RHOXF1: variants seen among roughly 807,000 people sequenced by gnomAD.
The protein encoded by RHOXF1 is PEPP subfamily gene 1.
Under a neutral mutation model 9.7 loss-of-function variants are expected in RHOXF1, and 1 was observed. The ratio of observed to expected loss-of-function variants is 0.10; its 90% CI spans 0.04 to 0.49. The LOEUF (loss-of-function observed/expected upper bound fraction) is 0.49. Among genes scored for constraint, RHOXF1 ranks in the 20% least tolerant of loss-of-function variants. RHOXF1 has a pLI of 0.95. For synonymous variants in RHOXF1, 72 were observed against 70.2 expected (o/e 1.03, Z -0.13); for missense variants, 179 against 168.0 (o/e 1.07, Z -0.36).
chrX:120,113,143 CTT>C (rs1327639708), intron 1 of RHOXF1, among the ~76,000 whole-genome samples: 1 of 105,568 alleles, frequency 9.5e-6, no homozygotes, highest in Non-Finnish European at 2.0e-5. Flanking sequence ...AGAGAAATAC[CTT>C]TTTTTTTTTA....
chrX:120,116,796 T>C (rs73615687), upstream of RHOXF1, among the ~76,000 whole-genome samples: 2,592 of 111,101 alleles, frequency 0.023, 77 homozygotes, highest in African/African-American at 0.077. Flanking sequence ...CAACACAGAA[T>C]AAACACGAGG....
chrX:120,109,571 A>ATTTATTATTTATTTAT (rs1555999514), intron 2 of RHOXF1, among the ~76,000 whole-genome samples: 12 of 107,228 alleles, frequency 1.1e-4, no homozygotes, highest in African/African-American at 4.2e-4. Flanking sequence ...TTATTTATTT[A>ATTTATTATTTATTTAT]TTATTTATTT....
chrX:120,111,396 G>A (rs1224764267), intron 2 of RHOXF1, among the ~76,000 whole-genome samples: 3 of 111,424 alleles, frequency 2.7e-5, no homozygotes, highest in Non-Finnish European at 5.7e-5. Flanking sequence ...CTACCAGATC[G>A]GCAGTGCATT....
intron 1 of RHOXF1, among the ~76,000 whole-genome samples, chrX:120,115,114 G>A (rs1192485122): frequency 2.7e-5 from 3 of 111,521 alleles, no homozygotes; most frequent in Non-Finnish European, 5.7e-5. Flanking sequence ...ACTTAGCTTG[G>A]CAAGATGAGA....
chrX:120,117,204 T>C (rs140965517), upstream of RHOXF1, among the ~76,000 whole-genome samples: 2,187 of 110,947 alleles, frequency 0.02, 53 homozygotes, highest in African/African-American at 0.066. Context: ...TGTGGTGAGC[T>C]AGAATCACAT....
chrX:120,111,773 G>T (rs1555999794), intron 2 of RHOXF1, among the ~76,000 whole-genome samples: 1 of 111,911 alleles, frequency 8.9e-6, no homozygotes, highest in African/African-American at 3.2e-5. Flanking sequence ...TGTTGAATTT[G>T]TATAGTACAT....
chrX:120,118,348 C>T (rs917515209), upstream of RHOXF1, among the ~76,000 whole-genome samples: 17 of 111,471 alleles, frequency 1.5e-4, no homozygotes, highest in Non-Finnish European at 3.0e-4. Context: ...CTTTAAGGTT[C>T]GGTCTCTGTA....
upstream of RHOXF1, chrX:120,119,602 T>C (rs1417847942): frequency 1.8e-5 from 2 of 111,821 alleles, no homozygotes; most frequent in Non-Finnish European, 3.8e-5. Context: ...AAATCTGAGA[T>C]GTGGAAGAAA....
At chrX:120,111,628 A>G (rs1235995226) in intron 2 of RHOXF1, among the ~76,000 whole-genome samples, 3 of 111,712 alleles carry the variant, frequency 2.7e-5, no homozygotes, top group African/African-American at 9.8e-5. Flanking sequence ...CTACCCTAAA[A>G]TGAGGGCCAC....
intron 2 of RHOXF1, among the ~76,000 whole-genome samples, chrX:120,109,899 C>T (rs1275543556): frequency 8.9e-6 from 1 of 111,839 alleles, no homozygotes; most frequent in Non-Finnish European, 1.9e-5. Flanking sequence ...TTTTAATATT[C>T]TTTAATGGTT....
intron 2 of RHOXF1, among the ~76,000 whole-genome samples, 190 bp downstream of exon 2, chrX:120,112,679 T>C (rs1025164225): frequency 6.3e-5 from 7 of 110,598 alleles, no homozygotes; most frequent in African/African-American, 2.3e-4. Flanking sequence ...GAAAGAACCA[T>C]AAGCTGGAGC....
At chrX:120,110,064 A>C in intron 2 of RHOXF1, among the ~76,000 whole-genome samples, 1 of 111,596 alleles carries the variant, frequency 9.0e-6, no homozygotes, top group Non-Finnish European at 1.9e-5. Flanking sequence ...CACTAGGGAG[A>C]GTTTCATCTT....
intron 2 of RHOXF1, among the ~76,000 whole-genome samples, chrX:120,111,123 T>C (rs1359851852): frequency 8.9e-6 from 1 of 112,339 alleles, no homozygotes; most frequent in East Asian, 2.8e-4. Context: ...ATTCTGTCTC[T>C]TCCCTTATTT....
At chrX:120,117,450 A>T (rs914884675), upstream of RHOXF1, among the ~76,000 whole-genome samples, 10 of 111,480 alleles carry the variant, frequency 9.0e-5, no homozygotes, top group African/African-American at 1.6e-4. Flanking sequence ...AAATATTTTT[A>T]AAAATTTTAT....
At chrX:120,119,596 C>A (rs2057309212), upstream of RHOXF1, 1 of 111,995 alleles carries the variant, frequency 8.9e-6, no homozygotes, top group African/African-American at 3.3e-5. Flanking sequence ...CTGTGGAAAT[C>A]TGAGATGTGG....
intron 1 of RHOXF1, among the ~76,000 whole-genome samples, chrX:120,113,804 G>A (rs2057281408): frequency 9.2e-6 from 1 of 108,130 alleles, no homozygotes; most frequent in Non-Finnish European, 1.9e-5. Context: ...AAAAATCTGT[G>A]ATGAGGACCA....
At chrX:120,112,981 A>C in intron 1 of RHOXF1, 67 bp from the exon 2 acceptor site, 1 of 723,346 alleles carries the variant, frequency 1.4e-6, no homozygotes. Context: ...TATAGTATGT[A>C]CTATTTACTT....
chrX:120,119,860 T>C (rs184742838), upstream of RHOXF1, among the ~76,000 whole-genome samples: 4 of 111,949 alleles, frequency 3.6e-5, no homozygotes, highest in Admixed American at 3.8e-4. Flanking sequence ...AGCTGATTTC[T>C]TAGCCATCTT....
chrX:120,115,974 G>A (rs6646572), upstream of RHOXF1: 105,055 of 634,728 alleles, frequency 0.17, 8,351 homozygotes, highest in South Asian at 0.43. Flanking sequence ...CAGTTGCAAT[G>A]AGTGGGACTT....
Sources: gnomAD v4.1 joint callset for allele counts (sites outside exome capture counted in the v4.1 genomes callset) on GRCh38, gnomAD v4.1.1 for gene constraint, MANE v1.5 for transcripts, NCBI Gene and HGNC (gene_info 2026-07-23, HGNC 2026-07-21) for gene names.